Variants in TEK observed in about 807,000 individuals in gnomAD.
TEK encodes TEK receptor tyrosine kinase.
Under a neutral mutation model 131.8 loss-of-function variants are expected in TEK, and 43 were observed. The ratio of observed to expected loss-of-function variants is 0.33; its 90% CI spans 0.26 to 0.42. TEK has a LOEUF of 0.42. Ranked by LOEUF, TEK falls within the 10% of genes least tolerant of loss-of-function variation. TEK has a pLI of 1.00. For synonymous variants in TEK, 580 were observed against 491.6 expected, an observed-to-expected ratio of 1.18 and a Z score of -2.38; for missense variants, 1,162 against 1,384.4, an observed-to-expected ratio of 0.84 and a Z score of 2.55.
chr9:27,134,705 A>G (rs939806994), intron 1 of TEK, among the ~76,000 whole-genome samples: 2 of 152,304 alleles, frequency 1.3e-5, no homozygotes, highest in Middle Eastern at 3.4e-3. Context: ...CCTTAGAAGG[A>G]GTCAGATATC....
intron 12 of TEK, among the ~76,000 whole-genome samples, chr9:27,201,988 A>C (rs1825228286): frequency 6.6e-6 from 1 of 152,244 alleles, no homozygotes; most frequent in South Asian, 2.1e-4. Context: ...TACAGTTACT[A>C]TTAAGGACAA....
In TEK at chr9:27,169,571, G is replaced by A. The variant is rs149623302; in HGVS notation, c.570G>A (p.Ser190=). 15 of 1,613,994 alleles carry A rather than the reference G, an allele frequency of 9.3e-6. No individual in the cohort carries two copies. Among genetic ancestry groups the A allele is most frequent in the African/African-American group, 6.7e-5 (5 of 74,922 alleles). ...HAQPQDAGVY[S]ARYIGGNLFT... ...AGCCCCAGGATGCTGGAGTGTACTC[G>A]GCCAGGTATATAGGAGGAAACCTCT... Residue 190 remains serine, a synonymous_variant, in exon 4 of 23, where the codon TCG becomes TCA. Coordinates refer to ENST00000380036, the MANE Select transcript of TEK (RefSeq NM_000459.5).
Position 27,109,578 on chromosome 9 carries a change from G to A in TEK, c.-13G>A. 1 of 1,614,196 alleles carries A rather than the reference G, an allele frequency of 6.2e-7. No individual in the cohort carries two copies. The highest frequency in any genetic ancestry group is 8.5e-7 in the Non-Finnish European group (1 of 1,180,018). ...CACATTTGTGGAAACTGGATGGAGA[G>A]ATTTGGGGAAGCATGGACTCTTTAG... On this transcript the variant is annotated 5_prime_UTR_variant, in exon 1 of 23. Transcript: ENST00000380036.
rs908246503 is a variant in TEK at position 27,169,200 on chromosome 9, C to T, written c.476-277C>T. On this transcript the variant is annotated intron_variant, in intron 3 of 22. Coordinates refer to ENST00000380036, the MANE Select transcript of TEK (RefSeq NM_000459.5). ...CCTAACTTTGCCTGCCAACTATGTT[C>T]GCCTCTCCCTGTAGAATGTAAGAAC... Among the ~76,000 whole-genome samples the T allele has an allele frequency of 9.9e-5, 15 of 152,278 alleles. No individual in the cohort carries two copies. In the East Asian group the frequency reaches 2.7e-3, roughly 27 times the overall value.
chr9:27,216,668 T>C (rs1468288405), intron 18 of TEK, among the ~76,000 whole-genome samples: 2 of 152,154 alleles, frequency 1.3e-5, no homozygotes, highest in African/African-American at 4.8e-5. Context: ...CATCAGAATA[T>C]TGCCACTCCA....
chr9:27,138,554 A>G (rs1822593399), intron 1 of TEK, among the ~76,000 whole-genome samples: 1 of 152,218 alleles, frequency 6.6e-6, no homozygotes, highest in Non-Finnish European at 1.5e-5. Flanking sequence ...TGACCCAGGA[A>G]GTCCAGCTGG....
intron 20 of TEK, 25 bp downstream of exon 20, chr9:27,218,842 G>A (rs1564106911): frequency 1.2e-6 from 2 of 1,612,414 alleles, no homozygotes; most frequent in East Asian, 2.2e-5. Flanking sequence ...TTATCTACCA[G>A]GTGAGACTCT....
chr9:27,206,853 T>C, intron 15 of TEK, 61 bp downstream of exon 15: 1 of 1,560,926 alleles, frequency 6.4e-7, no homozygotes, highest in Non-Finnish European at 8.7e-7. Flanking sequence ...CTTGATTTCC[T>C]GCTCATTCTT....
At chr9:27,185,866 G>A (rs1184833218) in intron 9 of TEK, among the ~76,000 whole-genome samples, 1 of 152,098 alleles carries the variant, frequency 6.6e-6, no homozygotes. Context: ...CTTGTGGGTG[G>A]CCTTGACCAA....
chr9:27,228,153 C>T, intron 21 of TEK, 53 bp from the exon 22 acceptor site: 1 of 1,467,496 alleles, frequency 6.8e-7, no homozygotes, highest in Non-Finnish European at 9.5e-7. Flanking sequence ...CCTGCCGTGC[C>T]TAGGACTGAA....
At chr9:27,143,934 GAGAGA>G (rs751954597) in intron 1 of TEK, among the ~76,000 whole-genome samples, 12 of 152,202 alleles carry the variant, frequency 7.9e-5, no homozygotes, top group Non-Finnish European at 1.5e-4. Flanking sequence ...GTTGAATGTG[GAGAGA>G]AGAGAAGTGT....
rs761726810 is a variant in TEK at position 27,173,367 on chromosome 9, G to A, written c.901+5G>A. ...AGGGTCTGCAGTGCAATGAAGGTAT[G>A]CACCAATCACACCCTTGGACAGAGG... is the stretch of plus-strand genomic sequence containing the variant. On this transcript the variant is annotated splice_donor_5th_base_variant and intron_variant, in intron 6 of 22. Transcript: ENST00000380036. The A allele has an allele frequency of 1.9e-6, 3 of 1,613,670 alleles. No individual in the cohort carries two copies. The highest frequency in any genetic ancestry group is 2.7e-5 in the African/African-American group (2 of 74,874).
chr9:27,183,014 T>A (rs1158527228), intron 7 of TEK, among the ~76,000 whole-genome samples: 4 of 152,230 alleles, frequency 2.6e-5, no homozygotes, highest in African/African-American at 9.6e-5. Flanking sequence ...TCAATGCTGT[T>A]GAACAGCAAT....
rs756858717 is a variant in TEK, at chr9:27,172,698, T to G, written c.711T>G (p.Thr237=). The G allele has an allele frequency of 6.2e-7, 1 of 1,613,804 alleles. No homozygotes were observed. The highest frequency in any genetic ancestry group is 2.2e-5 in the East Asian group (1 of 44,858). ...CMNNGVCHED[T]GECICPPGFM... ...ACAATGGTGTCTGCCATGAAGATACTGGAGAATGCATTTGCCCTCCTGGGT... is the reference window on the plus strand; with the variant it reads ...ACAATGGTGTCTGCCATGAAGATACGGGAGAATGCATTTGCCCTCCTGGGT... The change falls in exon 5 of 23, where the codon ACT becomes ACG. Residue 237 remains threonine, a synonymous_variant. Transcript: ENST00000380036.
At chr9:27,110,838 A>G (rs1201505492) in intron 1 of TEK, among the ~76,000 whole-genome samples, 1 of 152,194 alleles carries the variant, frequency 6.6e-6, no homozygotes, top group Non-Finnish European at 1.5e-5. Context: ...TGGCTTCAGT[A>G]TTTATGTGGA....
chr9:27,119,785 T>C (rs1004955983), intron 1 of TEK, among the ~76,000 whole-genome samples: 6 of 152,194 alleles, frequency 3.9e-5, no homozygotes, highest in African/African-American at 1.4e-4. Context: ...CCCAAACCTA[T>C]TGATTCCTAT....
chr9:27,128,584 C>T (rs914624184), intron 1 of TEK, among the ~76,000 whole-genome samples: 21 of 152,136 alleles, frequency 1.4e-4, no homozygotes, highest in African/African-American at 4.8e-4. Flanking sequence ...GCCATTTTCA[C>T]GATACCGATT....
In TEK at chr9:27,183,216, G is replaced by A. The variant is rs373945644; in HGVS notation, c.1031-243G>A. On this transcript the variant is annotated intron_variant, in intron 7 of 22. Transcript: ENST00000380036. ...GGAGCACAGCCTCATGGCAAAGAGC[G>A]TGGACTCTGGATTTATAAAGATCTG... 1.6e-4 allele frequency among the ~76,000 whole-genome samples: 24 copies of A among 152,284 alleles called. No individual in the cohort carries two copies. In the South Asian group the frequency reaches 3.3e-3, roughly 21 times the overall value.
chr9:27,155,088 T>C (rs925530757), intron 1 of TEK, among the ~76,000 whole-genome samples: 2 of 152,220 alleles, frequency 1.3e-5, no homozygotes, highest in African/African-American at 4.8e-5. Flanking sequence ...TGGATTGAAC[T>C]GGAGTTGAAA....
Sources: gnomAD v4.1 joint callset for allele counts (sites outside exome capture counted in the v4.1 genomes callset) on GRCh38, gnomAD v4.1.1 for gene constraint, MANE v1.5 for transcripts, NCBI Gene and HGNC (gene_info 2026-07-23, HGNC 2026-07-21) for gene names.